The following NTN4 variants were observed in gnomAD, a reference collection of about 807,000 sequenced individuals.
NTN4 encodes the protein netrin 4.
Under a neutral mutation model 73.6 loss-of-function variants are expected in NTN4, and 32 were observed. The observed-to-expected ratio is 0.44, with a 90% CI of 0.33 to 0.58. The LOEUF is 0.58. NTN4 is among the 20% of genes least tolerant of loss of function. The pLI is 0.04. For missense variants in NTN4, 654 were observed against 798.3 expected (o/e 0.82, Z 2.18); for synonymous variants, 258 against 287.5 (o/e 0.90, Z 1.04).
At chr12:95,737,321 T>A (rs925581047) in intron 3 of NTN4, among the ~76,000 whole-genome samples, 1 of 152,160 alleles carries the variant, frequency 6.6e-6, no homozygotes, top group South Asian at 2.1e-4. Context: ...TCCTGGGGGA[T>A]GCAGAGAAGT....
At chr12:95,746,478 C>A (rs889023951) in intron 2 of NTN4, among the ~76,000 whole-genome samples, 1 of 152,170 alleles carries the variant, frequency 6.6e-6, no homozygotes, top group African/African-American at 2.4e-5. Context: ...TGTCTCTTGG[C>A]CGCCGGCTAA....
intron 2 of NTN4, among the ~76,000 whole-genome samples, chr12:95,749,977 T>C (rs1376818864): frequency 3.8e-5 from 5 of 131,146 alleles, no homozygotes; most frequent in Non-Finnish European, 6.5e-5. Context: ...TCACCCTTAG[T>C]GGCAAGTCCC....
Position 95,769,743 on chromosome 12 carries a change from G to A in NTN4, c.585+17196C>T, listed in dbSNP as rs1430857136. On this transcript the variant is annotated intron_variant, in intron 2 of 9. Coordinates refer to ENST00000343702, the MANE Select transcript of NTN4 (RefSeq NM_021229.4). Reference sequence around the variant, plus strand: ...TTACAGGTGCATACTCCTAAATTAGGTTTCAATCTTTTTTTTTTTTTTTTT... The same window carrying A: ...TTACAGGTGCATACTCCTAAATTAGATTTCAATCTTTTTTTTTTTTTTTTT... 2.1e-5 allele frequency among the ~76,000 whole-genome samples: 3 copies of A among 140,360 alleles called. No individual in the cohort carries two copies. In the Admixed American group the frequency reaches 2.2e-4, roughly 10 times the overall value. The allele number at this position is 140,360 out of a possible 152,430, so 92.1% of individuals were successfully genotyped here. A position where few individuals can be genotyped will look rare whatever the true frequency, so the allele number is the denominator to read the frequency against.
intron 2 of NTN4, among the ~76,000 whole-genome samples, chr12:95,777,588 A>T (rs1233691254): frequency 2.6e-5 from 4 of 152,224 alleles, no homozygotes; most frequent in Non-Finnish European, 5.9e-5. Context: ...TGGTAAAGGG[A>T]TCAATTCAAC....
intron 4 of NTN4, among the ~76,000 whole-genome samples, chr12:95,712,791 T>G (rs867322341): frequency 2.1e-5 from 3 of 141,688 alleles, no homozygotes; most frequent in Non-Finnish European, 3.1e-5. Flanking sequence ...TTCTTTCTTT[T>G]TTTTTTTTTT....
intron 2 of NTN4, among the ~76,000 whole-genome samples, chr12:95,784,428 C>T (rs2121302632): frequency 6.6e-6 from 1 of 152,234 alleles, no homozygotes; most frequent in African/African-American, 2.4e-5. Context: ...GCAAATAATG[C>T]TCTAGAGGGA....
chr12:95,746,971 T>C (rs899380272), intron 2 of NTN4, among the ~76,000 whole-genome samples: 1 of 152,194 alleles, frequency 6.6e-6, no homozygotes, highest in Admixed American at 6.5e-5. Flanking sequence ...TTATTACCCA[T>C]CCTGGATGAG....
intron 7 of NTN4, among the ~76,000 whole-genome samples, chr12:95,675,596 A>G (rs1174549112): frequency 1.3e-5 from 2 of 152,268 alleles, no homozygotes. Flanking sequence ...AAAAAAAGAC[A>G]TAGCCTGCAT....
intron 2 of NTN4, among the ~76,000 whole-genome samples, chr12:95,770,514 G>C (rs1427506508): frequency 6.6e-6 from 1 of 152,152 alleles, no homozygotes; most frequent in Non-Finnish European, 1.5e-5. Flanking sequence ...GTGGTGGTGG[G>C]ATCAGGGGCT....
At chr12:95,691,926 C>T (rs987654254) in intron 5 of NTN4, among the ~76,000 whole-genome samples, 7 of 152,102 alleles carry the variant, frequency 4.6e-5, no homozygotes, top group Admixed American at 1.3e-4. Flanking sequence ...CTGCCCTAAC[C>T]TGCTCTCACC....
Position 95,683,548 on chromosome 12 carries a change from T to C in NTN4, c.1344A>G (p.Pro448=). 1 of 1,614,226 alleles carries C rather than the reference T, an allele frequency of 6.2e-7. No homozygotes were observed. The highest frequency in any genetic ancestry group is 8.5e-7 in the Non-Finnish European group (1 of 1,180,038). ...YWGFGDYGCR[P]CDCAGSCDPI... ...GGTCACAGCTCCCCGCACAGTCACA[T>C]GGTCGACAGCCATAGTCTCCGAAGC... Residue 448 remains proline (P), a synonymous_variant, in exon 6 of 10, where the codon CCA becomes CCG. Coordinates refer to ENST00000343702, the MANE Select transcript of NTN4 (RefSeq NM_021229.4).
intron 2 of NTN4, among the ~76,000 whole-genome samples, chr12:95,750,543 C>A (rs1019878593): frequency 6.6e-6 from 1 of 152,172 alleles, no homozygotes; most frequent in African/African-American, 2.4e-5. Flanking sequence ...CCTGCAAGAT[C>A]TAAATAATTC....
chr12:95,774,640 C>T (rs544270125), intron 2 of NTN4, among the ~76,000 whole-genome samples: 103 of 152,272 alleles, frequency 6.8e-4, no homozygotes, highest in Non-Finnish European at 1.4e-3. Flanking sequence ...CATAAAACCC[C>T]GATTAAGTAA....
chr12:95,667,197 T>TTTTTTTTTTGAGATGGAGTC (rs2078187701), intron 8 of NTN4, among the ~76,000 whole-genome samples: 1 of 151,454 alleles, frequency 6.6e-6, no homozygotes, highest in Admixed American at 6.6e-5. Context: ...AAGTTCTTTT[T>TTTTTTTTTTGAGATGGAGTC]TTTTTTTTTT....
At chr12:95,770,992 G>GTTTTGTTTTTCTTTTCTT (rs1555221586) in intron 2 of NTN4, among the ~76,000 whole-genome samples, 2 of 70,798 alleles carry the variant, frequency 2.8e-5, no homozygotes, top group Admixed American at 2.6e-4. Flanking sequence ...AAAAGAATTT[G>GTTTTGTTTTTCTTTTCTT]TTTTTTTTTT....
At position 95,713,258 on chromosome 12, in the gene NTN4, T is replaced by C. The variant is rs2121092682; in HGVS notation, c.945A>G (p.Pro315=). The C allele has an allele frequency of 6.2e-7, 1 of 1,613,650 alleles. No individual in the cohort carries two copies. The highest frequency in any genetic ancestry group is 1.7e-5 in the Admixed American group (1 of 60,006). ...QHCAPLYNDR[P]WEAADGKTGA... ...CCGTTTTGCCATCAGCTGCCTCCCA[T>C]GGCCGGTCATTGTATAACGGGGCAC... The change falls in exon 4 of 10, where the codon CCA becomes CCG. Residue 315 remains proline (P), a synonymous_variant. Transcript: ENST00000343702.
chr12:95,763,828 G>A (rs1292133396), intron 2 of NTN4, among the ~76,000 whole-genome samples: 1 of 152,194 alleles, frequency 6.6e-6, no homozygotes, highest in African/African-American at 2.4e-5. Flanking sequence ...GGGAAGAAAT[G>A]AAGCTGACTG....
intron 2 of NTN4, among the ~76,000 whole-genome samples, chr12:95,751,646 G>A (rs936713312): frequency 4.6e-4 from 70 of 152,106 alleles, no homozygotes; most frequent in Non-Finnish European, 8.5e-4. Context: ...CTTAGCGGCT[G>A]AAGACCGACA....
At chr12:95,773,995 A>G (rs1303124384) in intron 2 of NTN4, among the ~76,000 whole-genome samples, 1 of 152,104 alleles carries the variant, frequency 6.6e-6, no homozygotes, top group Non-Finnish European at 1.5e-5. Flanking sequence ...ATTTTAAATG[A>G]TCTTGGATAA....
Sources: allele counts gnomAD v4.1 joint callset (sites outside exome capture counted in the v4.1 genomes callset), GRCh38; gene constraint gnomAD v4.1.1; transcripts MANE v1.5; gene names NCBI Gene and HGNC (gene_info 2026-07-23, HGNC 2026-07-21).